Variants in CA10 observed in about 807,000 individuals in gnomAD.
The protein encoded by CA10 is carbonic anhydrase-related protein 10.
Under a neutral mutation model 44.2 loss-of-function variants are expected in CA10, and 14 were observed. The ratio of observed to expected loss-of-function variants is 0.32; its 90% CI spans 0.21 to 0.50. The LOEUF (loss-of-function observed/expected upper bound fraction) is 0.50, where lower values mean the gene tolerates loss of function less well. Among genes scored for constraint, CA10 ranks in the 20% least tolerant of loss-of-function variants. The pLI is 0.99. For synonymous variants in CA10, 159 were observed against 141.6 expected, an observed-to-expected ratio of 1.12 and a Z score of -0.87; for missense variants, 350 against 409.7, an observed-to-expected ratio of 0.85 and a Z score of 1.26.
rs1989832339 is a variant in CA10, at chr17:52,157,538, C to CCA, written c.61+187_61+188insTG. On this transcript the variant is annotated intron_variant, in intron 1 of 8. Transcript: ENST00000451037. ...CACACAGATCCTAACCACCCCCCCC[C>CCA]GCAAAACACACACATTCACACACCC... is the stretch of plus-strand genomic sequence containing the variant. Among the ~76,000 whole-genome samples the CCA allele has an allele frequency of 1.4e-5, 2 of 146,064 alleles. 1 individual carries two copies. The highest frequency in any genetic ancestry group is 1.4e-4 in the Admixed American group (2 of 14,714).
intron 2 of CA10, among the ~76,000 whole-genome samples, chr17:51,972,211 G>C: frequency 6.6e-6 from 1 of 152,034 alleles, no homozygotes; most frequent in East Asian, 1.9e-4. Flanking sequence ...TCTTTTTTCT[G>C]GTCATGGAAA....
At chr17:52,110,049 A>G (rs1988757196) in intron 1 of CA10, among the ~76,000 whole-genome samples, 1 of 152,186 alleles carries the variant, frequency 6.6e-6, no homozygotes, top group African/African-American at 2.4e-5. Flanking sequence ...TTCTGCAAAC[A>G]CAAAGCATAA....
chr17:51,786,196 T>C (rs1361558596), intron 3 of CA10, among the ~76,000 whole-genome samples: 1 of 144,322 alleles, frequency 6.9e-6, no homozygotes, highest in Non-Finnish European at 1.5e-5. Flanking sequence ...TTTAATGCGT[T>C]CTAACATCTT....
At chr17:51,716,950 CAG>C (rs1916132866) in intron 4 of CA10, among the ~76,000 whole-genome samples, 1 of 152,152 alleles carries the variant, frequency 6.6e-6, no homozygotes, top group Admixed American at 6.5e-5. Flanking sequence ...GGATGAGACA[CAG>C]AGAGATGAAT....
At chr17:52,025,482 G>A (rs1374031710) in intron 2 of CA10, among the ~76,000 whole-genome samples, 5 of 152,060 alleles carry the variant, frequency 3.3e-5, no homozygotes, top group Non-Finnish European at 7.4e-5. Flanking sequence ...CCTCATTGTG[G>A]CTCTTGCTGG....
intron 1 of CA10, among the ~76,000 whole-genome samples, chr17:52,077,303 C>A (rs1231706048): frequency 2.6e-5 from 4 of 152,128 alleles, no homozygotes; most frequent in African/African-American, 9.7e-5. Context: ...TTTTGGTGAT[C>A]CCTTCTTGCA....
chr17:51,957,693 T>C (rs1388982611), intron 2 of CA10, among the ~76,000 whole-genome samples: 1 of 152,098 alleles, frequency 6.6e-6, no homozygotes, highest in Non-Finnish European at 1.5e-5. Context: ...TACAACTTAG[T>C]TCAAGAGAAT....
chr17:51,872,046 A>AT (rs961357222), intron 3 of CA10, among the ~76,000 whole-genome samples: 34 of 152,096 alleles, frequency 2.2e-4, no homozygotes, highest in Admixed American at 1.7e-3. Context: ...GAGGAATAGG[A>AT]TTTTTTTTAT....
At chr17:51,735,266 A>C (rs1261350159) in intron 4 of CA10, among the ~76,000 whole-genome samples, 1 of 152,208 alleles carries the variant, frequency 6.6e-6, no homozygotes, top group African/African-American at 2.4e-5. Context: ...GCTGGAGGCC[A>C]TTATCCTAAG....
intron 2 of CA10, among the ~76,000 whole-genome samples, chr17:51,932,052 C>T (rs1982684614): frequency 6.6e-6 from 1 of 152,066 alleles, no homozygotes; most frequent in Non-Finnish European, 1.5e-5. Context: ...TTCATCCACC[C>T]ATAGTACATG....
At chr17:51,994,255 G>A (rs1985147945) in intron 2 of CA10, among the ~76,000 whole-genome samples, 1 of 151,632 alleles carries the variant, frequency 6.6e-6, no homozygotes, top group Admixed American at 6.6e-5. Flanking sequence ...TAATCCAAGA[G>A]TTTTTTTCCC....
intron 3 of CA10, among the ~76,000 whole-genome samples, chr17:51,867,583 T>A (rs1979607670): frequency 6.6e-6 from 1 of 152,202 alleles, no homozygotes; most frequent in Admixed American, 6.5e-5. Flanking sequence ...AGACTGCACT[T>A]GTCACACAGC....
chr17:51,809,991 A>C (rs1907291854), intron 3 of CA10, among the ~76,000 whole-genome samples: 1 of 152,176 alleles, frequency 6.6e-6, no homozygotes, highest in South Asian at 2.1e-4. Context: ...TCCATCTTGG[A>C]AGGGAAATGG....
intron 3 of CA10, among the ~76,000 whole-genome samples, chr17:51,787,058 T>C (rs2143689547): frequency 6.6e-6 from 1 of 152,348 alleles, no homozygotes; most frequent in African/African-American, 2.4e-5. Context: ...TCTAATATAC[T>C]GTTGAATTTG....
chr17:51,791,546 T>G (rs539971864), intron 3 of CA10, among the ~76,000 whole-genome samples: 1 of 152,220 alleles, frequency 6.6e-6, no homozygotes, highest in Non-Finnish European at 1.5e-5. Context: ...TTTTTTGGAT[T>G]GCCTGAATCA....
chr17:51,961,168 T>C (rs954456782), intron 2 of CA10, among the ~76,000 whole-genome samples: 2 of 142,838 alleles, frequency 1.4e-5, no homozygotes, highest in Non-Finnish European at 3.0e-5. Context: ...GCCCCTACTC[T>C]CTCTCTGTAT....
At position 51,831,752 on chromosome 17, in the gene CA10, C is replaced by T. The variant is rs572338771; in HGVS notation, c.280-83934G>A. On this transcript the variant is annotated intron_variant, in intron 3 of 8. Transcript: ENST00000451037. ...CAGCAGAAAAAGACCTTCCTTCCAC[C>T]TTATTTTTCACTGACTGGACAGGGT... Among the ~76,000 whole-genome samples the T allele has an allele frequency of 4.4e-4, 51 of 115,256 alleles. 1 individual carries two copies. The highest frequency in any genetic ancestry group is 1.8e-3 in the African/African-American group (49 of 27,532). 75.6% of individuals were successfully genotyped at this position (115,256 alleles called of 152,430 possible).
intron 2 of CA10, among the ~76,000 whole-genome samples, chr17:52,014,567 G>A (rs1353683083): frequency 6.6e-6 from 1 of 151,940 alleles, no homozygotes; most frequent in Non-Finnish European, 1.5e-5. Flanking sequence ...GAGGATTAAG[G>A]AAATAAGGTA....
chr17:51,636,298 A>G (rs139304508), intron 6 of CA10, among the ~76,000 whole-genome samples: 104 of 152,328 alleles, frequency 6.8e-4, no homozygotes, highest in African/African-American at 2.2e-3. Context: ...GTCATTGTCC[A>G]TGCTTTGGGA....
Sources: gnomAD v4.1 joint callset for allele counts (sites outside exome capture counted in the v4.1 genomes callset) on GRCh38, gnomAD v4.1.1 for gene constraint, MANE v1.5 for transcripts, NCBI Gene and HGNC (gene_info 2026-07-23, HGNC 2026-07-21) for gene names.